The following DMD variants were observed in gnomAD, a reference collection of about 807,000 sequenced individuals.
DMD encodes the protein mutant dystrophin.
In DMD, 63 loss-of-function variants were observed where a neutral mutation model predicts 330.1. The ratio of observed to expected loss-of-function variants is 0.19; its 90% CI spans 0.16 to 0.24. DMD has a LOEUF of 0.24. Among genes scored for constraint, DMD ranks in the 10% least tolerant of loss-of-function variants. DMD has a pLI of 1.00. For missense variants in DMD, 3,344 were observed against 2,684.1 expected, an observed-to-expected ratio of 1.25 and a Z score of -5.43; for synonymous variants, 1,223 against 959.8, an observed-to-expected ratio of 1.27 and a Z score of -5.07.
intron 64 of DMD, among the ~76,000 whole-genome samples, chrX:31,222,733 A>G (rs2046229665): frequency 8.9e-6 from 1 of 112,260 alleles, no homozygotes; most frequent in South Asian, 3.7e-4. Context: ...AAACAAAGGT[A>G]GAACAAGGAT....
intron 55 of DMD, among the ~76,000 whole-genome samples, chrX:31,514,429 A>C (rs1294160819): frequency 9.0e-6 from 1 of 111,473 alleles, no homozygotes; most frequent in African/African-American, 3.3e-5. Flanking sequence ...TCTGAGTCTC[A>C]TCTACTCTTG....
intron 55 of DMD, among the ~76,000 whole-genome samples, chrX:31,565,752 A>G (rs1475406155): frequency 1.8e-5 from 2 of 111,940 alleles, no homozygotes; most frequent in African/African-American, 6.5e-5. Context: ...TGAATGATCC[A>G]TTTTCTCCAC....
At chrX:31,230,642 C>G (rs1284340768) in intron 63 of DMD, among the ~76,000 whole-genome samples, 1 of 103,334 alleles carries the variant, frequency 9.7e-6, no homozygotes, top group East Asian at 2.9e-4. Context: ...GAATGAGACT[C>G]CATCTCAAGA....
In DMD at chrX:31,134,169, G is replaced by C; in HGVS notation, c.10947C>G (p.Pro3649=). ...CCTCTAACCCTGTGCTTGTGTCCTGGGGAGGACTGAGAAGATCTTCCTCAC... is the reference window on the plus strand; with the variant it reads ...CCTCTAACCCTGTGCTTGTGTCCTGCGGAGGACTGAGAAGATCTTCCTCAC... ...SMGEEDLLSP[P]QDTSTGLEEV... is the part of the protein sequence containing the mutation. Residue 3649 remains proline (P), a synonymous_variant, in exon 77 of 79, where the codon CCC becomes CCG. Coordinates refer to ENST00000357033, the MANE Select transcript of DMD (RefSeq NM_004006.3). 1.7e-6 allele frequency: 2 copies of C among 1,210,340 alleles called. No individual in the cohort carries two copies. Among genetic ancestry groups the C allele is most frequent in the Non-Finnish European group, 2.2e-6 (2 of 894,735 alleles).
rs141437732 is a variant in DMD at position 32,057,877 on chromosome X, G to A, written c.6439-89363C>T. Reference sequence around the variant, plus strand: ...ACCTCAGTCAAGAGCGCACGATAGTGTCATAAAGGCAGACATATAGACCAA... The same window carrying A: ...ACCTCAGTCAAGAGCGCACGATAGTATCATAAAGGCAGACATATAGACCAA... On this transcript the variant is annotated intron_variant, in intron 44 of 78. Coordinates refer to ENST00000357033, the MANE Select transcript of DMD (RefSeq NM_004006.3). Among the ~76,000 whole-genome samples, 7 of 111,159 alleles carry A rather than the reference G, an allele frequency of 6.3e-5. No individual in the cohort carries two copies. In the East Asian group the frequency reaches 2.0e-3, roughly 32 times the overall value.
chrX:32,974,472 G>A (rs1314763051), intron 2 of DMD, among the ~76,000 whole-genome samples: 1 of 111,653 alleles, frequency 9.0e-6, no homozygotes, highest in African/African-American at 3.3e-5. Flanking sequence ...TAAAGCTGCT[G>A]TAACAAAATC....
chrX:32,481,506 A>G (rs1267247223), intron 21 of DMD, among the ~76,000 whole-genome samples: 3 of 111,919 alleles, frequency 2.7e-5, no homozygotes, highest in Non-Finnish European at 5.7e-5. Context: ...GAAGTTCTAT[A>G]AGAGCAATTC....
chrX:32,380,762 A>G, intron 33 of DMD, 82 bp from the exon 34 acceptor site: 3 of 750,449 alleles, frequency 4.0e-6, no homozygotes, highest in Non-Finnish European at 5.9e-6. Flanking sequence ...GAACTTTTAT[A>G]TTTCTGTTAT....
chrX:33,207,293 G>A (rs1228729372), intron 1 of DMD, among the ~76,000 whole-genome samples: 1 of 111,092 alleles, frequency 9.0e-6, no homozygotes, highest in Non-Finnish European at 1.9e-5. Context: ...AATCTCTAGA[G>A]GAGCCATCTG....
intron 44 of DMD, among the ~76,000 whole-genome samples, chrX:32,200,870 A>T (rs1462658740): frequency 9.0e-6 from 1 of 111,534 alleles, no homozygotes; most frequent in Non-Finnish European, 1.9e-5. Flanking sequence ...TTGCAGCTCT[A>T]AAGAGAGACC....
At chrX:31,740,894 T>C (rs1208078328) in intron 51 of DMD, among the ~76,000 whole-genome samples, 1 of 112,444 alleles carries the variant, frequency 8.9e-6, no homozygotes. Context: ...TTTTACTCAG[T>C]AGAACTTCTT....
At chrX:31,890,076 G>T (rs1295899310) in intron 47 of DMD, among the ~76,000 whole-genome samples, 13 of 104,997 alleles carry the variant, frequency 1.2e-4, no homozygotes, top group African/African-American at 4.5e-4. Context: ...TTTCTTAATA[G>T]AATTTAAAAA....
At chrX:32,092,724 C>CTTTTTTTTTTTTTTTTTT (rs11315047) in intron 44 of DMD, among the ~76,000 whole-genome samples, 4 of 39,796 alleles carry the variant, frequency 1.0e-4, no homozygotes, top group African/African-American at 3.3e-4. Context: ...GTTATTTTCA[C>CTTTTTTTTTTTTTTTTTT]TTTTTTTTTT....
chrX:31,301,909 A>G (rs147300983), intron 62 of DMD, among the ~76,000 whole-genome samples: 93 of 111,993 alleles, frequency 8.3e-4, no homozygotes, highest in African/African-American at 3.0e-3. Context: ...AGGAAGGGAA[A>G]GAAATAATTG....
intron 1 of DMD, among the ~76,000 whole-genome samples, chrX:33,143,727 A>T (rs1405608909): frequency 8.9e-6 from 1 of 111,905 alleles, no homozygotes; most frequent in Non-Finnish European, 1.9e-5. Context: ...ATCTATTTAC[A>T]GCCTCTTTGA....
chrX:33,310,329 C>T (rs1022957517), intron 1 of DMD, among the ~76,000 whole-genome samples: 3 of 110,922 alleles, frequency 2.7e-5, no homozygotes, highest in Non-Finnish European at 5.7e-5. Flanking sequence ...TTATAAAAGA[C>T]TAAATATTTT....
intron 52 of DMD, among the ~76,000 whole-genome samples, chrX:31,707,430 G>A (rs1257605175): frequency 9.1e-6 from 1 of 110,437 alleles, no homozygotes; most frequent in Non-Finnish European, 1.9e-5. Context: ...AGCACACATG[G>A]ACATAAATAC....
intron 54 of DMD, among the ~76,000 whole-genome samples, chrX:31,634,694 G>T (rs1189213081): frequency 9.0e-6 from 1 of 110,938 alleles, no homozygotes; most frequent in Non-Finnish European, 1.9e-5. Flanking sequence ...AGAGATTTGC[G>T]AATTTATCAT....
chrX:31,688,641 C>G (rs764472928), intron 52 of DMD, among the ~76,000 whole-genome samples: 3 of 111,545 alleles, frequency 2.7e-5, no homozygotes, highest in African/African-American at 9.8e-5. Flanking sequence ...CATCCTGATA[C>G]CAAAGCCTGG....
Sources: gnomAD v4.1 joint callset for allele counts (sites outside exome capture counted in the v4.1 genomes callset) on GRCh38, gnomAD v4.1.1 for gene constraint, MANE v1.5 for transcripts, NCBI Gene and HGNC (gene_info 2026-07-23, HGNC 2026-07-21) for gene names.